Variants in XKR6 observed in about 807,000 individuals in gnomAD.
The protein encoded by XKR6 is XK-related protein 6.
XKR6 carries 22 observed loss-of-function variants against 56.7 expected under a neutral mutation model. The ratio of observed to expected loss-of-function variants is 0.39; its 90% CI spans 0.28 to 0.55. The LOEUF is 0.55. Ranked by LOEUF, XKR6 falls within the 20% of genes least tolerant of loss-of-function variation. The pLI is 0.66. For synonymous variants in XKR6, 524 were observed against 387.8 expected (o/e 1.35, Z -4.13); for missense variants, 852 against 889.0 (o/e 0.96, Z 0.53).
chr8:10,961,447 G>A lies in XKR6; in HGVS notation c.765-36617C>T, dbSNP rs534405105. ...GCATCCTCAGAGGCTGGCTAGGGGC[G>A]GCTGGGGAAATAGGAGTCGGGGTGG... On this transcript the variant is annotated intron_variant, in intron 1 of 2. Transcript: ENST00000416569. Among the ~76,000 whole-genome samples the A allele has an allele frequency of 3.2e-4, 48 of 152,348 alleles. 1 individual carries two copies. Among genetic ancestry groups the A allele is most frequent in the African/African-American group, 9.9e-4 (41 of 41,576 alleles).
chr8:10,942,426 G>A (rs1801411018), intron 1 of XKR6, among the ~76,000 whole-genome samples: 1 of 152,194 alleles, frequency 6.6e-6, no homozygotes, highest in Non-Finnish European at 1.5e-5. Flanking sequence ...GATTGCTGTG[G>A]GCGAGGTCTC....
intron 1 of XKR6, among the ~76,000 whole-genome samples, chr8:11,111,133 C>T (rs550619200): frequency 2.6e-5 from 4 of 151,194 alleles, no homozygotes; most frequent in African/African-American, 2.4e-5. Context: ...GCATTACAGG[C>T]GTGAGCCACT....
chr8:11,151,732 A>G (rs1801279237), intron 1 of XKR6, among the ~76,000 whole-genome samples: 1 of 151,756 alleles, frequency 6.6e-6, no homozygotes, highest in African/African-American at 2.4e-5. Flanking sequence ...CTTGTTCAAT[A>G]TATCCATCCA....
At chr8:11,171,654 T>G (rs563877397) in intron 1 of XKR6, among the ~76,000 whole-genome samples, 1 of 152,190 alleles carries the variant, frequency 6.6e-6, no homozygotes, top group Non-Finnish European at 1.5e-5. Flanking sequence ...CCTTCTGCCA[T>G]GAGTGGAAGC....
At chr8:11,143,757 G>C (rs1274548912) in intron 1 of XKR6, among the ~76,000 whole-genome samples, 1 of 152,172 alleles carries the variant, frequency 6.6e-6, no homozygotes, top group African/African-American at 2.4e-5. Context: ...GGTGGCTAAA[G>C]GGGATTCACT....
chr8:10,947,421 C>G (rs1170669119), intron 1 of XKR6, among the ~76,000 whole-genome samples: 1 of 152,100 alleles, frequency 6.6e-6, no homozygotes, highest in African/African-American at 2.4e-5. Context: ...TGAGGAAGCA[C>G]AGATGGCAAA....
In XKR6 at chr8:11,201,546, C is replaced by T. The variant is rs907263420; in HGVS notation, c.-207G>A. Among the ~76,000 whole-genome samples the T allele has an allele frequency of 7.2e-5, 11 of 152,090 alleles. No homozygotes were observed. Among genetic ancestry groups the T allele is most frequent in the South Asian group, 6.2e-4 (3 of 4,822 alleles). ...GTCACTTCCGGGCGAGCCCCCCAAT[C>T]GCACGGCGCCCGCAGCTCCCCAGCC... is the stretch of plus-strand genomic sequence containing the variant. On this transcript the variant is annotated 5_prime_UTR_variant, in exon 1 of 3. Transcript: ENST00000416569.
Position 10,897,848 on chromosome 8 carries a change from G to A in XKR6, c.*104C>T. 1 of 1,415,208 alleles carries A rather than the reference G, an allele frequency of 7.1e-7. No individual in the cohort carries two copies. The highest frequency in any genetic ancestry group is 2.5e-5 in the Admixed American group (1 of 39,912). The allele number at this position is 1,415,208 out of a possible 1,614,324, so 87.7% of individuals were successfully genotyped here. ...TGGTGTGGCGGTGTTGGTGGTGGTG[G>A]CGGTGGTTCTGTGTATTGGGGGAAG... On this transcript the variant is annotated 3_prime_UTR_variant, in exon 3 of 3. Transcript: ENST00000416569.
chr8:11,099,285 C>G (rs1337621241), intron 1 of XKR6, among the ~76,000 whole-genome samples: 3 of 152,224 alleles, frequency 2.0e-5, no homozygotes, highest in African/African-American at 4.8e-5. Flanking sequence ...TTTTGTCACC[C>G]TGGCCTCTAA....
intron 1 of XKR6, among the ~76,000 whole-genome samples, chr8:11,170,342 A>T (rs938822871): frequency 6.6e-6 from 1 of 152,258 alleles, no homozygotes; most frequent in Non-Finnish European, 1.5e-5. Context: ...AATGTGGTAG[A>T]TCCATCCAAT....
At chr8:11,168,749 A>C (rs1486387090) in intron 1 of XKR6, among the ~76,000 whole-genome samples, 1 of 152,210 alleles carries the variant, frequency 6.6e-6, no homozygotes, top group Admixed American at 6.5e-5. Context: ...TTAAAAAGAG[A>C]AACAGCCTGA....
intron 2 of XKR6, among the ~76,000 whole-genome samples, chr8:10,922,723 G>T (rs1054781580): frequency 2.6e-5 from 4 of 152,188 alleles, no homozygotes; most frequent in African/African-American, 4.8e-5. Flanking sequence ...GGGTCCTCAG[G>T]CATCCTGAAG....
chr8:11,105,455 T>C (rs917115050), intron 1 of XKR6: 11 of 152,168 alleles, frequency 7.2e-5, no homozygotes, highest in African/African-American at 2.7e-4. Flanking sequence ...GCGCCCTTGA[T>C]CTTGGCTTCA....
chr8:11,107,464 C>T (rs761437410), intron 1 of XKR6, among the ~76,000 whole-genome samples: 1 of 152,114 alleles, frequency 6.6e-6, no homozygotes, highest in Non-Finnish European at 1.5e-5. Flanking sequence ...GGATTTTAGG[C>T]GTGAGCCACC....
rs80178864 is a variant in XKR6, at chr8:11,179,403, G to A, written c.764+21173C>T. Among the ~76,000 whole-genome samples the A allele has an allele frequency of 4.5e-4, 69 of 152,294 alleles. 1 individual carries two copies. In the East Asian group the frequency reaches 0.013, roughly 29 times the overall value. On this transcript the variant is annotated intron_variant, in intron 1 of 2. Coordinates refer to ENST00000416569, the MANE Select transcript of XKR6 (RefSeq NM_173683.4). ...CTTTCAGTCCACCTAACATTTCAAAGTCAAGAGATTAAAACCACCATCTGA... is the reference window on the plus strand; with the variant it reads ...CTTTCAGTCCACCTAACATTTCAAAATCAAGAGATTAAAACCACCATCTGA...
chr8:11,021,262 C>T (rs182564969), intron 1 of XKR6, among the ~76,000 whole-genome samples: 185 of 152,280 alleles, frequency 1.2e-3, no homozygotes, highest in African/African-American at 4.2e-3. Flanking sequence ...CCCTGTCTTC[C>T]CTCTTCCTAC....
At chr8:11,168,037 T>C (rs904166675) in intron 1 of XKR6, among the ~76,000 whole-genome samples, 1 of 148,666 alleles carries the variant, frequency 6.7e-6, no homozygotes, top group East Asian at 2.0e-4. Context: ...AAAAAAGAGA[T>C]ACATAAAACC....
In XKR6 at chr8:11,201,467, A is replaced by C; in HGVS notation, c.-128T>G. 5 of 490,472 alleles carry C rather than the reference A, an allele frequency of 1.0e-5. No homozygotes were observed. The highest frequency in any genetic ancestry group is 4.6e-5 in the East Asian group (1 of 21,686). The allele number at this position is 490,472 out of a possible 1,614,324, so 30.4% of individuals were successfully genotyped here. On this transcript the variant is annotated 5_prime_UTR_variant, in exon 1 of 3. Transcript: ENST00000416569. ...GGGGCGGGGAGGAAGCGGGGGAGCA[A>C]ACGAACGAGGGGGGAGTGGGCCAGG...
chr8:10,955,847 A>G (rs1164388500), intron 1 of XKR6, among the ~76,000 whole-genome samples: 1 of 152,226 alleles, frequency 6.6e-6, no homozygotes. Context: ...TCCTTTTCCC[A>G]TGCAGCCCTG....
Sources: gnomAD v4.1 joint callset for allele counts (sites outside exome capture counted in the v4.1 genomes callset) on GRCh38, gnomAD v4.1.1 for gene constraint, MANE v1.5 for transcripts, NCBI Gene and HGNC (gene_info 2026-07-23, HGNC 2026-07-21) for gene names.